Variants in ANO10 observed in about 807,000 individuals in gnomAD.
ANO10 encodes the protein anoctamin-10.
Under a neutral mutation model 74.7 loss-of-function variants are expected in ANO10, and 77 were observed. That is an observed-to-expected ratio of 1.03 (90% CI 0.86 to 1.25). ANO10 has a LOEUF of 1.25. ANO10 is among the 50% of genes most tolerant of loss of function. ANO10 has a pLI of 0.00. For synonymous variants in ANO10, 279 were observed against 284.9 expected, an observed-to-expected ratio of 0.98 and a Z score of 0.21; for missense variants, 721 against 778.1, an observed-to-expected ratio of 0.93 and a Z score of 0.87.
chr3:43,410,758 G>A (rs1175481919), intron 12 of ANO10, among the ~76,000 whole-genome samples: 2 of 152,048 alleles, frequency 1.3e-5, no homozygotes, highest in African/African-American at 4.8e-5. Context: ...CTCAGCCTCA[G>A]GGTATGTAAC....
At chr3:43,406,679 C>T (rs2148882556) in intron 12 of ANO10, among the ~76,000 whole-genome samples, 1 of 152,322 alleles carries the variant, frequency 6.6e-6, no homozygotes, top group African/African-American at 2.4e-5. Flanking sequence ...ACCCACAAAG[C>T]TGGACTGTTT....
At chr3:43,540,950 G>C (rs2078928463) in intron 11 of ANO10, among the ~76,000 whole-genome samples, 1 of 152,078 alleles carries the variant, frequency 6.6e-6, no homozygotes, top group East Asian at 1.9e-4. Flanking sequence ...CACAACATTA[G>C]GAGAACACAG....
intron 1 of ANO10, among the ~76,000 whole-genome samples, chr3:43,636,813 T>A (rs1313478738): frequency 6.6e-6 from 1 of 152,232 alleles, no homozygotes; most frequent in Non-Finnish European, 1.5e-5. Context: ...CTTTATTTTT[T>A]AAAATATATT....
At chr3:43,465,705 T>C (rs2149038904) in intron 11 of ANO10, among the ~76,000 whole-genome samples, 1 of 152,328 alleles carries the variant, frequency 6.6e-6, no homozygotes, top group East Asian at 1.9e-4. Flanking sequence ...ATATGGTTCA[T>C]TACTGATTGT....
intron 12 of ANO10, among the ~76,000 whole-genome samples, chr3:43,380,977 G>A (rs574860077): frequency 1.3e-5 from 2 of 152,312 alleles, no homozygotes; most frequent in Admixed American, 1.3e-4. Context: ...GGCGGAAGGG[G>A]AAGCAAATAC....
chr3:43,568,599 G>A (rs1285111271), intron 7 of ANO10, among the ~76,000 whole-genome samples: 15 of 148,372 alleles, frequency 1.0e-4, no homozygotes, highest in Admixed American at 6.7e-4. Flanking sequence ...GGTACATAAC[G>A]AAATGAAGGC....
intron 11 of ANO10, among the ~76,000 whole-genome samples, chr3:43,540,638 C>G (rs892340620): frequency 6.6e-6 from 1 of 152,090 alleles, no homozygotes; most frequent in African/African-American, 2.4e-5. Context: ...AACAAAATGC[C>G]TCTTGGTGAG....
At chr3:43,527,657 G>T (rs1425192715) in intron 11 of ANO10, among the ~76,000 whole-genome samples, 3 of 152,228 alleles carry the variant, frequency 2.0e-5, no homozygotes, top group Admixed American at 6.5e-5. Flanking sequence ...CATGAAAATA[G>T]GGAAATAAAC....
chr3:43,400,276 G>A lies in ANO10; in HGVS notation c.1914+32335C>T, dbSNP rs1302541802. ...CTACTAGATGGTAATAAGTGTTAGG[G>A]ATGTCTGACCCCCCTTTCCCATATA... On this transcript the variant is annotated intron_variant, in intron 12 of 12. Coordinates refer to ENST00000292246, the MANE Select transcript of ANO10 (RefSeq NM_018075.5). 2.6e-5 allele frequency among the ~76,000 whole-genome samples: 4 copies of A among 151,512 alleles called. No individual in the cohort carries two copies. In the South Asian group the frequency reaches 6.3e-4, roughly 24 times the overall value.
chr3:43,447,444 C>T (rs1286400171), intron 11 of ANO10, among the ~76,000 whole-genome samples: 1 of 152,144 alleles, frequency 6.6e-6, no homozygotes, highest in African/African-American at 2.4e-5. Context: ...TTCCACTTGC[C>T]TATCTTACTC....
chr3:43,531,260 A>T (rs1229676498), intron 11 of ANO10, among the ~76,000 whole-genome samples: 1 of 152,212 alleles, frequency 6.6e-6, no homozygotes, highest in Non-Finnish European at 1.5e-5. Flanking sequence ...ACTTTGGAGA[A>T]ATGTTTTTAA....
chr3:43,415,841 C>CA (rs2092730201), intron 12 of ANO10, among the ~76,000 whole-genome samples: 1 of 152,044 alleles, frequency 6.6e-6, no homozygotes, highest in Non-Finnish European at 1.5e-5. Context: ...CATGCCTAGC[C>CA]AAAAAATGAC....
chr3:43,667,077 T>A (rs1194585832), intron 1 of ANO10, among the ~76,000 whole-genome samples: 3 of 120,152 alleles, frequency 2.5e-5, no homozygotes, highest in African/African-American at 3.4e-5. Context: ...TGCATGTTTT[T>A]TTTTTTTTTT....
At chr3:43,542,516 C>A (rs1292949191) in intron 11 of ANO10, among the ~76,000 whole-genome samples, 1 of 152,180 alleles carries the variant, frequency 6.6e-6, no homozygotes, top group African/African-American at 2.4e-5. Context: ...GAAAGAGGAA[C>A]TCATTAACAA....
At chr3:43,537,675 G>A (rs1178281937) in intron 11 of ANO10, among the ~76,000 whole-genome samples, 1 of 148,722 alleles carries the variant, frequency 6.7e-6, no homozygotes, top group Non-Finnish European at 1.5e-5. Flanking sequence ...CGTCAGATAG[G>A]AAGAAATTTT....
At chr3:43,629,028 C>T (rs894874037) in intron 1 of ANO10, among the ~76,000 whole-genome samples, 5 of 152,210 alleles carry the variant, frequency 3.3e-5, no homozygotes, top group African/African-American at 1.2e-4. Flanking sequence ...CGCACACTCC[C>T]TCCCCTTTTG....
At chr3:43,506,822 C>T (rs2077311617) in intron 11 of ANO10, among the ~76,000 whole-genome samples, 1 of 152,166 alleles carries the variant, frequency 6.6e-6, no homozygotes, top group African/African-American at 2.4e-5. Context: ...TATACCACCA[C>T]CCCCACCGTG....
In ANO10 at chr3:43,366,971, T is replaced by C. The variant is rs1178237349; in HGVS notation, c.1918A>G (p.Met640Val). 7 of 1,598,910 alleles carry C rather than the reference T, an allele frequency of 4.4e-6. No individual in the cohort carries two copies. Among genetic ancestry groups the C allele is most frequent in the Non-Finnish European group, 5.1e-6 (6 of 1,172,542 alleles). Residue 640 changes from methionine to valine, a missense_variant, in exon 13 of 13, where the codon ATG (methionine) becomes GTG (valine). Physicochemically the swap from Met to Val is conservative, Grantham distance 21. Transcript: ENST00000292246. ...TTCAGGTTCTCGGTCACGAGCTTCATTTGCTGTTAAGAGAAAACAGGACAC... is the reference window on the plus strand; with the variant it reads ...TTCAGGTTCTCGGTCACGAGCTTCACTTGCTGTTAAGAGAAAACAGGACAC... ...ESLEALKQQQMKLVTENLKEE... is the reference protein window; with the variant it reads ...ESLEALKQQQVKLVTENLKEE...
intron 11 of ANO10, among the ~76,000 whole-genome samples, chr3:43,504,418 A>G (rs1337764769): frequency 6.6e-6 from 1 of 152,176 alleles, no homozygotes; most frequent in Admixed American, 6.5e-5. Flanking sequence ...ATCAAAGGCA[A>G]AGGAAAAGCA....
Sources: gnomAD v4.1 joint callset for allele counts (sites outside exome capture counted in the v4.1 genomes callset) on GRCh38, gnomAD v4.1.1 for gene constraint, MANE v1.5 for transcripts, NCBI Gene and HGNC (gene_info 2026-07-23, HGNC 2026-07-21) for gene names.